The following ACSM3 variants were observed in gnomAD, a reference collection of about 807,000 sequenced individuals.
ACSM3 encodes acyl-CoA synthetase medium chain family member 3, also known as acyl-coenzyme A synthetase ACSM3, mitochondrial.
A neutral mutation model predicts 74.1 loss-of-function variants in ACSM3; 61 were observed. That is an observed-to-expected ratio of 0.82 (90% CI 0.67 to 1.02). ACSM3 has a LOEUF of 1.02. Ranked by LOEUF, ACSM3 falls within the 50% of genes least tolerant of loss-of-function variation. ACSM3 has a pLI of 0.00. For missense variants in ACSM3, 660 were observed against 697.0 expected, an observed-to-expected ratio of 0.95 and a Z score of 0.60; for synonymous variants, 213 against 241.5, an observed-to-expected ratio of 0.88 and a Z score of 1.09.
At chr16:20,734,206 G>C (rs920783084) in intron 1 of ACSM3, 1 of 152,634 alleles carries the variant, frequency 6.6e-6, no homozygotes, top group African/African-American at 2.4e-5. Context: ...TAGTTCCACA[G>C]AGTTGTATGC....
chr16:20,762,716 C>T (rs1178448497), upstream of ACSM3, among the ~76,000 whole-genome samples: 1 of 152,150 alleles, frequency 6.6e-6, no homozygotes, highest in South Asian at 2.1e-4. Flanking sequence ...CAAAATTCAA[C>T]ACCTATTCAT....
chr16:20,699,007 T>C (rs560005965), intron 1 of ACSM3: 1 of 152,336 alleles, frequency 6.6e-6, no homozygotes, highest in East Asian at 1.9e-4. Context: ...CCTGGTAAAA[T>C]GCAGGGTCTT....
At chr16:20,735,602 CAGA>C (rs2079862378) in intron 1 of ACSM3, 2 of 151,628 alleles carry the variant, frequency 1.3e-5, no homozygotes, top group African/African-American at 4.9e-5. Flanking sequence ...GTGTAGATAC[CAGA>C]CCTCTGGTTA....
At chr16:20,766,829 C>T (rs1462318815) in intron 1 of ACSM3, among the ~76,000 whole-genome samples, 1 of 152,090 alleles carries the variant, frequency 6.6e-6, no homozygotes, top group Non-Finnish European at 1.5e-5. Context: ...TTAAAAGGTA[C>T]ATTGTTAAAA....
chr16:20,682,539 C>A, intron 1 of ACSM3: 2 of 1,149,070 alleles, frequency 1.7e-6, no homozygotes, highest in Non-Finnish European at 1.3e-6. Flanking sequence ...TTGTCTGCAT[C>A]GAAATACCCT....
intron 9 of ACSM3, among the ~76,000 whole-genome samples, chr16:20,787,576 G>T (rs1292681092): frequency 6.6e-6 from 1 of 152,164 alleles, no homozygotes; most frequent in African/African-American, 2.4e-5. Flanking sequence ...ATTTTAACAA[G>T]CACCCCCCAA....
At chr16:20,723,381 T>A (rs2079793034) in intron 1 of ACSM3, among the ~76,000 whole-genome samples, 1 of 152,202 alleles carries the variant, frequency 6.6e-6, no homozygotes, top group African/African-American at 2.4e-5. Flanking sequence ...TGATTTATAA[T>A]CCTTTGGGTA....
intron 1 of ACSM3, among the ~76,000 whole-genome samples, chr16:20,720,632 T>C (rs1012197289): frequency 2.0e-5 from 3 of 152,186 alleles, no homozygotes; most frequent in Non-Finnish European, 4.4e-5. Context: ...TTAACATAAA[T>C]GTAGGCTAAC....
intron 1 of ACSM3, among the ~76,000 whole-genome samples, chr16:20,748,556 A>G (rs1021613099): frequency 6.6e-6 from 1 of 152,190 alleles, no homozygotes; most frequent in Non-Finnish European, 1.5e-5. Context: ...TTGCACATAC[A>G]AATATTCAAT....
At chr16:20,791,019 TC>T (rs1294751244) in intron 10 of ACSM3, 2 of 1,404,752 alleles carry the variant, frequency 1.4e-6, no homozygotes, top group African/African-American at 2.9e-5. Context: ...CAGTTAGTGC[TC>T]TTTCTTTTCG....
At chr16:20,690,645 G>T (rs796216567) in intron 1 of ACSM3, among the ~76,000 whole-genome samples, 14 of 152,338 alleles carry the variant, frequency 9.2e-5, no homozygotes, top group African/African-American at 3.4e-4. Flanking sequence ...AAGACACATT[G>T]TCCCATTCAC....
intron 1 of ACSM3, among the ~76,000 whole-genome samples, chr16:20,715,013 A>G (rs535095289): frequency 2.3e-4 from 35 of 152,058 alleles, no homozygotes; most frequent in African/African-American, 6.0e-4. Flanking sequence ...AGATAGGTAG[A>G]TAGATGGATG....
chr16:20,711,743 G>T (rs1265870857), intron 1 of ACSM3: 2 of 401,150 alleles, frequency 5.0e-6, no homozygotes, highest in Admixed American at 6.9e-5. Context: ...CTACATCTTG[G>T]AATATCTTTG....
At chr16:20,725,432 A>T (rs1183220736) in intron 1 of ACSM3, 2 of 236,044 alleles carry the variant, frequency 8.5e-6, no homozygotes, top group Non-Finnish European at 1.9e-5. Context: ...CTACAAAAAG[A>T]CCTTAAGAGG....
chr16:20,757,429 C>G (rs2152439434), intron 3 of ACSM3, among the ~76,000 whole-genome samples: 2 of 151,592 alleles, frequency 1.3e-5, no homozygotes, highest in South Asian at 4.2e-4. Flanking sequence ...TGATTTGGCT[C>G]TCTGTTTGTC....
chr16:20,764,360 C>G (rs2080103170), intron 1 of ACSM3, among the ~76,000 whole-genome samples: 1 of 152,120 alleles, frequency 6.6e-6, no homozygotes, highest in Non-Finnish European at 1.5e-5. Context: ...CATGTTGAGC[C>G]TTTTGGTGCT....
chr16:20,685,853 A>C (rs2079545138), intron 1 of ACSM3, among the ~76,000 whole-genome samples: 1 of 147,046 alleles, frequency 6.8e-6, no homozygotes, highest in African/African-American at 2.5e-5. Flanking sequence ...AAAACAAAAA[A>C]CTTATAGCAT....
chr16:20,717,009 T>C (rs1408107520), intron 1 of ACSM3, among the ~76,000 whole-genome samples: 2 of 152,090 alleles, frequency 1.3e-5, no homozygotes, highest in Non-Finnish European at 2.9e-5. Context: ...ATCTGACAAA[T>C]GAAAATACAC....
At chr16:20,786,970 C>T (rs936195726) in intron 9 of ACSM3, among the ~76,000 whole-genome samples, 4 of 152,186 alleles carry the variant, frequency 2.6e-5, no homozygotes, top group Non-Finnish European at 5.9e-5. Flanking sequence ...GCAGCACTTT[C>T]CCTCTCTGCT....
Sources: gnomAD v4.1 joint callset for allele counts (sites outside exome capture counted in the v4.1 genomes callset) on GRCh38, gnomAD v4.1.1 for gene constraint, MANE v1.5 for transcripts, NCBI Gene and HGNC (gene_info 2026-07-23, HGNC 2026-07-21) for gene names.